Variants in CTNNA3 observed in about 807,000 individuals in gnomAD.
CTNNA3 encodes catenin alpha-3.
Under a neutral mutation model 95.7 loss-of-function variants are expected in CTNNA3, and 76 were observed. That is an observed-to-expected ratio of 0.79 (90% CI 0.66 to 0.96). The LOEUF is 0.96. Ranked by LOEUF, CTNNA3 falls within the 40% of genes least tolerant of loss-of-function variation. CTNNA3 has a pLI of 0.00. For missense variants in CTNNA3, 1,191 were observed against 1,089.8 expected, an observed-to-expected ratio of 1.09 and a Z score of -1.31; for synonymous variants, 431 against 374.4, an observed-to-expected ratio of 1.15 and a Z score of -1.74.
intron 5 of CTNNA3, among the ~76,000 whole-genome samples, chr10:67,270,130 C>CAA (rs201216673): frequency 1.2e-3 from 121 of 100,576 alleles, no homozygotes; most frequent in Non-Finnish European, 2.0e-3. Flanking sequence ...CAGTATTTGT[C>CAA]AAAAAAAAAA....
At chr10:65,954,858 T>C (rs1364069159) in intron 17 of CTNNA3, among the ~76,000 whole-genome samples, 1 of 152,230 alleles carries the variant, frequency 6.6e-6, no homozygotes. Flanking sequence ...AGGATTTTCA[T>C]GGCAATGTGG....
intron 2 of CTNNA3, among the ~76,000 whole-genome samples, chr10:67,637,990 C>T (rs915561172): frequency 1.4e-4 from 22 of 152,176 alleles, no homozygotes; most frequent in African/African-American, 4.8e-4. Context: ...ATCATAATGA[C>T]AGGATCAAAT....
chr10:67,369,020 T>C (rs559379568), intron 5 of CTNNA3, among the ~76,000 whole-genome samples: 2 of 152,300 alleles, frequency 1.3e-5, no homozygotes, highest in Non-Finnish European at 2.9e-5. Context: ...CACTCTACTT[T>C]AGGGGCTGAA....
intron 11 of CTNNA3, among the ~76,000 whole-genome samples, chr10:66,491,359 TG>T (rs1295290203): frequency 2.0e-5 from 3 of 152,216 alleles, no homozygotes; most frequent in Non-Finnish European, 4.4e-5. Context: ...TAACATTTCT[TG>T]TTCTCCAGAA....
chr10:66,530,539 C>A (rs138633472), intron 10 of CTNNA3, among the ~76,000 whole-genome samples: 62 of 152,154 alleles, frequency 4.1e-4, no homozygotes, highest in Non-Finnish European at 8.5e-4. Flanking sequence ...GGCAAATTAC[C>A]TTTACACTTC....
At chr10:67,167,806 C>A (rs1274685568) in intron 7 of CTNNA3, among the ~76,000 whole-genome samples, 1 of 152,142 alleles carries the variant, frequency 6.6e-6, no homozygotes, top group African/African-American at 2.4e-5. Context: ...TCTTTTATTA[C>A]CCCAACAGTA....
At chr10:66,242,217 C>A (rs946831237) in intron 13 of CTNNA3, among the ~76,000 whole-genome samples, 1 of 152,110 alleles carries the variant, frequency 6.6e-6, no homozygotes, top group East Asian at 1.9e-4. Context: ...AAATAAATTT[C>A]TTTTCTTTAT....
At chr10:66,149,194 T>C (rs550862214) in intron 13 of CTNNA3, among the ~76,000 whole-genome samples, 17 of 147,932 alleles carry the variant, frequency 1.1e-4, no homozygotes, top group African/African-American at 3.7e-4. Flanking sequence ...ATATAGTTAA[T>C]TATAACTAGT....
intron 10 of CTNNA3, among the ~76,000 whole-genome samples, chr10:66,538,485 T>C (rs2132069889): frequency 6.6e-6 from 1 of 152,258 alleles, no homozygotes; most frequent in African/African-American, 2.4e-5. Flanking sequence ...GTCCTTCCTG[T>C]GGCAAATTTA....
At chr10:65,987,280 T>C (rs2078448098) in intron 16 of CTNNA3, among the ~76,000 whole-genome samples, 2 of 151,646 alleles carry the variant, frequency 1.3e-5, no homozygotes, top group Admixed American at 6.6e-5. Flanking sequence ...ATAGAAGATA[T>C]TTTCATACTA....
At chr10:66,578,784 C>CTTT (rs71035156) in intron 10 of CTNNA3, among the ~76,000 whole-genome samples, 2 of 143,240 alleles carry the variant, frequency 1.4e-5, no homozygotes, top group Non-Finnish European at 1.5e-5. Context: ...ATTTTTCTTT[C>CTTT]TTTTTTTTTT....
intron 13 of CTNNA3, among the ~76,000 whole-genome samples, chr10:66,158,724 T>C (rs1444045374): frequency 6.6e-6 from 1 of 152,062 alleles, no homozygotes; most frequent in Non-Finnish European, 1.5e-5. Flanking sequence ...ATTGAATTTG[T>C]AGATTGTTTT....
chr10:66,024,085 A>ATTTTTTTTTTTTTTTTTTGT (rs2079283758), intron 15 of CTNNA3, among the ~76,000 whole-genome samples: 1 of 87,750 alleles, frequency 1.1e-5, no homozygotes, highest in African/African-American at 4.3e-5. Context: ...TACCATACAC[A>ATTTTTTTTTTTTTTTTTTGT]TTTTTTTTTT....
intron 11 of CTNNA3, among the ~76,000 whole-genome samples, chr10:66,421,920 A>T (rs7096789): frequency 0.065 from 8,963 of 137,458 alleles, 691 homozygotes; most frequent in African/African-American, 0.16. Context: ...ATATATACAC[A>T]CACACACAAG....
chr10:66,134,501 A>G (rs996245471), intron 13 of CTNNA3, among the ~76,000 whole-genome samples: 1 of 152,174 alleles, frequency 6.6e-6, no homozygotes, highest in Non-Finnish European at 1.5e-5. Context: ...TGAGATAATT[A>G]GAAGTGATAT....
At chr10:66,187,239 C>T (rs191489478) in intron 13 of CTNNA3, among the ~76,000 whole-genome samples, 6 of 152,104 alleles carry the variant, frequency 3.9e-5, no homozygotes, top group Non-Finnish European at 8.8e-5. Context: ...AAAGCTGTTT[C>T]CCTGTAGGCA....
At chr10:66,496,034 C>G (rs1349646362) in intron 11 of CTNNA3, among the ~76,000 whole-genome samples, 1 of 152,078 alleles carries the variant, frequency 6.6e-6, no homozygotes, top group East Asian at 1.9e-4. Flanking sequence ...AGGAAATGTC[C>G]TAACAACCAT....
intron 4 of CTNNA3, among the ~76,000 whole-genome samples, chr10:67,532,136 A>G (rs1840347159): frequency 6.6e-6 from 1 of 152,190 alleles, no homozygotes; most frequent in Non-Finnish European, 1.5e-5. Flanking sequence ...AAAACAGAAT[A>G]CACATCTTAA....
At chr10:66,694,705 G>T (rs536020006) in intron 9 of CTNNA3, among the ~76,000 whole-genome samples, 17 of 152,212 alleles carry the variant, frequency 1.1e-4, no homozygotes, top group Admixed American at 9.8e-4. Flanking sequence ...GCCATAATTT[G>T]CCTCTGCCAT....
Sources: gnomAD v4.1 joint callset for allele counts (sites outside exome capture counted in the v4.1 genomes callset) on GRCh38, gnomAD v4.1.1 for gene constraint, MANE v1.5 for transcripts, NCBI Gene and HGNC (gene_info 2026-07-23, HGNC 2026-07-21) for gene names.